Variants in WNT7A observed in about 807,000 individuals in gnomAD.
WNT7A encodes the protein Wnt family member 7A, also known as protein Wnt-7a.
A neutral mutation model predicts 28.2 loss-of-function variants in WNT7A; 16 were observed. The ratio of observed to expected loss-of-function variants is 0.57; its 90% CI spans 0.38 to 0.86. The LOEUF is 0.86. Ranked by LOEUF, WNT7A falls within the 40% of genes least tolerant of loss-of-function variation. WNT7A has a pLI of 0.00. For missense variants in WNT7A, 411 were observed against 489.7 expected (o/e 0.84, Z 1.52); for synonymous variants, 190 against 195.9 (o/e 0.97, Z 0.25).
At chr3:13,826,120 G>A (rs1023720963) in intron 3 of WNT7A, among the ~76,000 whole-genome samples, 8 of 152,198 alleles carry the variant, frequency 5.3e-5, no homozygotes, top group East Asian at 3.8e-4. Context: ...GGTATTTGGC[G>A]TCACCCCTGC....
Position 13,822,409 on chromosome 3 carries a change from C to T in WNT7A, c.571-2986G>A, listed in dbSNP as rs535871122. Among the ~76,000 whole-genome samples the T allele has an allele frequency of 7.7e-4, 117 of 152,326 alleles. 1 individual carries two copies. Among genetic ancestry groups the T allele is most frequent in the Non-Finnish European group, 7.6e-4 (52 of 68,034 alleles). ...TAAAAAGGAATGAAGTACTGATACACGCTACAACATGGATGAGCCTTGAAA... is the reference window on the plus strand; with the variant it reads ...TAAAAAGGAATGAAGTACTGATACATGCTACAACATGGATGAGCCTTGAAA... On this transcript the variant is annotated intron_variant, in intron 3 of 3. Coordinates refer to ENST00000285018, the MANE Select transcript of WNT7A (RefSeq NM_004625.4).
At chr3:13,858,204 A>G (rs1358995014) in intron 2 of WNT7A, among the ~76,000 whole-genome samples, 1 of 152,194 alleles carries the variant, frequency 6.6e-6, no homozygotes, top group Non-Finnish European at 1.5e-5. Context: ...CACCACCGGC[A>G]GGCTCCAGCC....
At chr3:13,839,574 A>C (rs75294010) in intron 3 of WNT7A, among the ~76,000 whole-genome samples, 2,285 of 152,300 alleles carry the variant, frequency 0.015, 59 homozygotes, top group African/African-American at 0.051. Context: ...GGAATACACC[A>C]GGAGCTGGTC....
rs1694030923 is a variant in WNT7A at position 13,817,704 on chromosome 3, C to T, written c.*1240G>A. 1 of 152,270 alleles carries T rather than the reference C, an allele frequency of 6.6e-6. No individual in the cohort carries two copies. The highest frequency in any genetic ancestry group is 1.5e-5 in the Non-Finnish European group (1 of 68,082). 9.4% of individuals were successfully genotyped at this position (152,270 alleles called of 1,614,324 possible). A position where few individuals can be genotyped will look rare whatever the true frequency, so the allele number is the denominator to read the frequency against. On this transcript the variant is annotated 3_prime_UTR_variant, in exon 4 of 4. Coordinates refer to ENST00000285018, the MANE Select transcript of WNT7A (RefSeq NM_004625.4). ...TCACCTGAGGACTACATCTCACCTT[C>T]CAGGACACGCAGGCAATGGCTAGTG...
At chr3:13,879,617 C>T (rs1157565996) in intron 1 of WNT7A, 129 bp downstream of exon 1, 3 of 1,046,754 alleles carry the variant, frequency 2.9e-6, no homozygotes, top group East Asian at 2.7e-5. Context: ...GCTCCCACAC[C>T]GCACCCACCC....
intron 3 of WNT7A, among the ~76,000 whole-genome samples, chr3:13,829,280 C>A (rs1694241865): frequency 6.6e-6 from 1 of 152,186 alleles, no homozygotes. Context: ...AGGAAAAAAA[C>A]AAACTCCTAT....
intron 3 of WNT7A, among the ~76,000 whole-genome samples, chr3:13,820,927 G>A (rs1559293594): frequency 6.6e-6 from 1 of 152,274 alleles, no homozygotes; most frequent in East Asian, 1.9e-4. Context: ...CAGAACACCT[G>A]GCATCACAGA....
rs1323296816 is a variant in WNT7A, at chr3:13,854,516, C to T, written c.570+16G>A. The T allele has an allele frequency of 6.2e-7, 1 of 1,614,002 alleles. No homozygotes were observed. Among genetic ancestry groups the T allele is most frequent in the Non-Finnish European group, 8.5e-7 (1 of 1,180,038 alleles). The stretch of plus-strand genomic sequence containing the variant: ...TCTCCGCGAGCGCCGCCCAGCTGCC[C>T]TCCCTGGCTTCCTACCTTTCGGCCT... On this transcript the variant is annotated intron_variant, in intron 3 of 3. Transcript: ENST00000285018.
chr3:13,862,050 C>G (rs1194267306), intron 2 of WNT7A, among the ~76,000 whole-genome samples: 1 of 152,220 alleles, frequency 6.6e-6, no homozygotes, highest in Non-Finnish European at 1.5e-5. Context: ...TTCTCATTCA[C>G]TGGGGGAGCC....
intron 2 of WNT7A, among the ~76,000 whole-genome samples, chr3:13,855,178 A>G (rs1694709102): frequency 6.6e-6 from 1 of 152,254 alleles, no homozygotes; most frequent in African/African-American, 2.4e-5. Context: ...AGCTCACAGC[A>G]TCGTAAAGCA....
chr3:13,878,767 C>A (rs1695154144), intron 1 of WNT7A, among the ~76,000 whole-genome samples: 1 of 152,146 alleles, frequency 6.6e-6, no homozygotes, highest in African/African-American at 2.4e-5. Context: ...GTGTGTGAGA[C>A]CTACCAAGCG....
chr3:13,841,056 C>T (rs1007601623), intron 3 of WNT7A, among the ~76,000 whole-genome samples: 1 of 152,222 alleles, frequency 6.6e-6, no homozygotes, highest in Non-Finnish European at 1.5e-5. Context: ...GACCTCAGTG[C>T]CTAAAACAGA....
At chr3:13,868,754 GAGGGA>G (rs1243817765) in intron 2 of WNT7A, among the ~76,000 whole-genome samples, 1,974 of 141,448 alleles carry the variant, frequency 0.014, 166 homozygotes, top group African/African-American at 0.052. Context: ...AGAAAGAAAG[GAGGGA>G]AGGGAAGGGA....
At chr3:13,865,151 T>C (rs1694891450) in intron 2 of WNT7A, among the ~76,000 whole-genome samples, 1 of 152,170 alleles carries the variant, frequency 6.6e-6, no homozygotes, top group Admixed American at 6.5e-5. Flanking sequence ...AGTCCAAGGA[T>C]GGAAATGAGT....
At chr3:13,871,051 C>G (rs1000632776) in intron 2 of WNT7A, among the ~76,000 whole-genome samples, 2 of 152,228 alleles carry the variant, frequency 1.3e-5, no homozygotes, top group Admixed American at 1.3e-4. Flanking sequence ...CAGAGTCCAG[C>G]TGGTCTCATG....
chr3:13,837,003 C>T (rs1388325216), intron 3 of WNT7A, among the ~76,000 whole-genome samples: 1 of 152,104 alleles, frequency 6.6e-6, no homozygotes, highest in African/African-American at 2.4e-5. Flanking sequence ...AGCCAGGGAC[C>T]TTGCTCCTCC....
intron 3 of WNT7A, among the ~76,000 whole-genome samples, chr3:13,830,541 G>A (rs1042389884): frequency 6.6e-6 from 1 of 152,166 alleles, no homozygotes; most frequent in Non-Finnish European, 1.5e-5. Context: ...CTGGGAGGCT[G>A]AGCTGTGTCC....
chr3:13,856,893 A>AAAGAAGAAG lies in WNT7A; in HGVS notation c.299-2099_299-2091dup, dbSNP rs775537679. On this transcript the variant is annotated intron_variant, in intron 2 of 3. Coordinates refer to ENST00000285018, the MANE Select transcript of WNT7A (RefSeq NM_004625.4). The stretch of plus-strand genomic sequence containing the variant: ...AGAGGAAGAAGAGGAAGAAGAAGAA[A>AAAGAAGAAG]AAGAAGAAGAAGAAGAAGAAGAAGA... 4.3e-3 allele frequency among the ~76,000 whole-genome samples: 312 copies of AAAGAAGAAG among 73,258 alleles called. 4 individuals carry two copies. The highest frequency in any genetic ancestry group is 6.9e-3 in the Middle Eastern group (1 of 144). 48.1% of individuals were successfully genotyped at this position (73,258 alleles called of 152,430 possible). A position where few individuals can be genotyped will look rare whatever the true frequency, so the allele number is the denominator to read the frequency against.
At chr3:13,842,023 G>T (rs1331818627) in intron 3 of WNT7A, among the ~76,000 whole-genome samples, 1 of 152,146 alleles carries the variant, frequency 6.6e-6, no homozygotes, top group Non-Finnish European at 1.5e-5. Flanking sequence ...GTGTGTGTGA[G>T]GAGCCACAGG....
Sources: gnomAD v4.1 joint callset for allele counts (sites outside exome capture counted in the v4.1 genomes callset) on GRCh38, gnomAD v4.1.1 for gene constraint, MANE v1.5 for transcripts, NCBI Gene and HGNC (gene_info 2026-07-23, HGNC 2026-07-21) for gene names.